The following RERE variants were observed in gnomAD, a reference collection of about 807,000 sequenced individuals.
The protein encoded by RERE is arginine-glutamic acid dipeptide repeats.
A neutral mutation model predicts 146.1 loss-of-function variants in RERE; 40 were observed. That is an observed-to-expected ratio of 0.27 (90% CI 0.21 to 0.36). The LOEUF is 0.36. Among genes scored for constraint, RERE ranks in the 10% least tolerant of loss-of-function variants. RERE has a pLI of 1.00. For synonymous variants in RERE, 1,003 were observed against 866.0 expected, an observed-to-expected ratio of 1.16 and a Z score of -2.78; for missense variants, 1,933 against 2,138.7, an observed-to-expected ratio of 0.90 and a Z score of 1.90.
chr1:8,758,218 T>C lies in RERE; in HGVS notation c.-145+58942A>G, dbSNP rs1008778161. 4.0e-5 allele frequency among the ~76,000 whole-genome samples: 6 copies of C among 151,894 alleles called. No homozygotes were observed. The South Asian group carries it at 1.0e-3, about 26-fold the overall frequency. On this transcript the variant is annotated intron_variant, in intron 1 of 22. Coordinates refer to ENST00000400908, the MANE Select transcript of RERE (RefSeq NM_001042681.2). ...CTCCTGCCTGAGTCTCTCGAGTAGC[T>C]GGGATTACAGGCCTGCGCCACCATG...
intron 11 of RERE, among the ~76,000 whole-genome samples, chr1:8,432,520 C>T (rs376406538): frequency 2.6e-5 from 4 of 152,294 alleles, no homozygotes; most frequent in African/African-American, 7.2e-5. Flanking sequence ...ACACAGAGTC[C>T]GCTCTGCTCT....
chr1:8,566,252 C>T (rs980606384), intron 4 of RERE, among the ~76,000 whole-genome samples: 3 of 152,166 alleles, frequency 2.0e-5, no homozygotes, highest in Admixed American at 6.5e-5. Context: ...TGGCACAGCT[C>T]CCCTCAGGTG....
At chr1:8,633,286 G>A (rs745728574) in intron 2 of RERE, among the ~76,000 whole-genome samples, 4 of 152,170 alleles carry the variant, frequency 2.6e-5, no homozygotes, top group Non-Finnish European at 5.9e-5. Flanking sequence ...AGCTGGGCAC[G>A]GTGGCAGGCA....
chr1:8,480,625 G>A (rs1457265186), intron 10 of RERE, among the ~76,000 whole-genome samples: 1 of 151,374 alleles, frequency 6.6e-6, no homozygotes, highest in Non-Finnish European at 1.5e-5. Context: ...TAGTAGAGAC[G>A]GGGTTTCACC....
intron 4 of RERE, among the ~76,000 whole-genome samples, chr1:8,559,302 A>AAAAAAAAAAAAAAG (rs1646048377): frequency 6.9e-6 from 1 of 145,730 alleles, no homozygotes; most frequent in Non-Finnish European, 1.5e-5. Context: ...AAAAAAAAAA[A>AAAAAAAAAAAAAAG]AACAGAACAA....
At chr1:8,442,062 A>T (rs1040435769) in intron 11 of RERE, among the ~76,000 whole-genome samples, 3 of 152,098 alleles carry the variant, frequency 2.0e-5, no homozygotes, top group Non-Finnish European at 4.4e-5. Flanking sequence ...AAGGGGGAAA[A>T]GGATAAGATG....
At chr1:8,421,779 T>C (rs1325125079) in intron 12 of RERE, among the ~76,000 whole-genome samples, 1 of 152,114 alleles carries the variant, frequency 6.6e-6, no homozygotes, top group Admixed American at 6.6e-5. Flanking sequence ...CTTGCATCCA[T>C]CTCCCACCTC....
At chr1:8,496,983 G>A (rs1355382238) in intron 9 of RERE, among the ~76,000 whole-genome samples, 3 of 152,092 alleles carry the variant, frequency 2.0e-5, no homozygotes, top group East Asian at 1.9e-4. Flanking sequence ...CTATCAACCC[G>A]TCATCTAGGT....
intron 1 of RERE, chr1:8,786,771 G>A (rs765136815): frequency 2.6e-5 from 20 of 783,910 alleles, no homozygotes; most frequent in Non-Finnish European, 4.4e-5. Flanking sequence ...CCTTGTGATA[G>A]CACTATGCTT....
At chr1:8,570,525 A>G (rs1353874060) in intron 4 of RERE, among the ~76,000 whole-genome samples, 2 of 152,192 alleles carry the variant, frequency 1.3e-5, no homozygotes, top group African/African-American at 2.4e-5. Context: ...TTCTGGCTTA[A>G]TAAGAAAACA....
chr1:8,671,943 C>T (rs115545690), intron 1 of RERE, among the ~76,000 whole-genome samples: 1,592 of 152,118 alleles, frequency 0.01, 28 homozygotes, highest in African/African-American at 0.037. Flanking sequence ...ATGATTACAT[C>T]TGTAAGAGAA....
At chr1:8,814,955 G>A (rs145800294) in intron 1 of RERE, among the ~76,000 whole-genome samples, 436 of 152,316 alleles carry the variant, frequency 2.9e-3, no homozygotes, top group Non-Finnish European at 3.9e-3. Flanking sequence ...TGTATTAGCA[G>A]CTCGGGGAAG....
rs750878623 is a variant in RERE, at chr1:8,541,234, T to C, written c.810A>G (p.Leu270=). 6.3e-7 allele frequency: 1 copy of C among 1,599,264 alleles called. No individual in the cohort carries two copies. Among genetic ancestry groups the C allele is most frequent in the Non-Finnish European group, 8.6e-7 (1 of 1,167,016 alleles). ...KARVDSFFYI[L]GYNPETRRLN... The stretch of plus-strand genomic sequence containing the variant: ...CTTACCTTGTCTCAGGGTTATATCC[T>C]AATATGTAGAAAAATGAATCCACTC... Residue 270 remains leucine (L), a synonymous_variant, in exon 7 of 23, where the codon TTA becomes TTG. Transcript: ENST00000400908.
rs182643677 is a variant in RERE at position 8,353,672 on chromosome 1, C to G, written c.*1415G>C. On this transcript the variant is annotated 3_prime_UTR_variant, in exon 23 of 23. Coordinates refer to ENST00000400908, the MANE Select transcript of RERE (RefSeq NM_001042681.2). Reference sequence around the variant, plus strand: ...ACGGTTCCGCTCAGAAGGGCCTGGCCTCCTGAGAAGCAGCCCCCACACAGC... The same window carrying G: ...ACGGTTCCGCTCAGAAGGGCCTGGCGTCCTGAGAAGCAGCCCCCACACAGC... The G allele has an allele frequency of 1.5e-4, 23 of 152,390 alleles. No homozygotes were observed. The highest frequency in any genetic ancestry group is 5.5e-4 in the African/African-American group (23 of 41,582). 9.4% of individuals were successfully genotyped at this position (152,390 alleles called of 1,614,324 possible).
At chr1:8,609,272 A>G (rs980567771) in intron 4 of RERE, among the ~76,000 whole-genome samples, 6 of 152,068 alleles carry the variant, frequency 3.9e-5, no homozygotes, top group Non-Finnish European at 8.8e-5. Context: ...TATGGGGACA[A>G]CTGCTCCAGG....
intron 11 of RERE, among the ~76,000 whole-genome samples, chr1:8,455,633 G>A (rs1644445326): frequency 6.6e-6 from 1 of 152,162 alleles, no homozygotes; most frequent in South Asian, 2.1e-4. Context: ...CAGCTCAAGA[G>A]CTCAGCCAAA....
chr1:8,759,596 GT>G (rs541254368), intron 1 of RERE, among the ~76,000 whole-genome samples: 113 of 152,286 alleles, frequency 7.4e-4, no homozygotes, highest in Non-Finnish European at 1.5e-3. Context: ...GTTTAGCACA[GT>G]TTTTAAAAAA....
intron 12 of RERE, among the ~76,000 whole-genome samples, chr1:8,418,711 T>C (rs953550325): frequency 2.6e-5 from 4 of 152,206 alleles, no homozygotes; most frequent in Non-Finnish European, 5.9e-5. Context: ...CTGCAATGTA[T>C]AGACAAATCA....
At chr1:8,583,475 T>C (rs910266671) in intron 4 of RERE, among the ~76,000 whole-genome samples, 9 of 152,110 alleles carry the variant, frequency 5.9e-5, no homozygotes, top group African/African-American at 1.7e-4. Flanking sequence ...GGCCAATGTG[T>C]GAAGAGCAGC....
Sources: allele counts gnomAD v4.1 joint callset (sites outside exome capture counted in the v4.1 genomes callset), GRCh38; gene constraint gnomAD v4.1.1; transcripts MANE v1.5; gene names NCBI Gene and HGNC (gene_info 2026-07-23, HGNC 2026-07-21).